UTRN: variants seen among roughly 807,000 people sequenced by gnomAD.
UTRN encodes the protein dystrophin-related protein 1.
Under a neutral mutation model 463.9 loss-of-function variants are expected in UTRN, and 283 were observed. The ratio of observed to expected loss-of-function variants is 0.61; its 90% CI spans 0.55 to 0.67. The LOEUF is 0.67. Ranked by LOEUF, UTRN falls within the 30% of genes least tolerant of loss-of-function variation. The pLI is 0.00. For synonymous variants in UTRN, 1,442 were observed against 1,431.5 expected, an observed-to-expected ratio of 1.01 and a Z score of -0.17; for missense variants, 3,922 against 4,084.3, an observed-to-expected ratio of 0.96 and a Z score of 1.08.
chr6:144,518,035 A>G (rs1453036239), intron 39 of UTRN, among the ~76,000 whole-genome samples: 1 of 152,232 alleles, frequency 6.6e-6, no homozygotes, highest in African/African-American at 2.4e-5. Context: ...TGCTTGAAGC[A>G]ACATACAGGT....
rs774039706 is a variant in UTRN, at chr6:144,751,849, C to A, written c.8252C>A (p.Thr2751Lys). 6.2e-7 allele frequency: 1 copy of A among 1,611,450 alleles called. No individual in the cohort carries two copies. Among genetic ancestry groups the A allele is most frequent in the Non-Finnish European group, 8.5e-7 (1 of 1,178,870 alleles). Reference sequence around the variant, plus strand: ...GCACCAATCAACTTTAAAGTTAAAACGGTGAATGATTTATCCAGTCAGCTG... The same window carrying A: ...GCACCAATCAACTTTAAAGTTAAAAAGGTGAATGATTTATCCAGTCAGCTG... ...EIAPINFKVK[T>K]VNDLSSQLSP... The change falls in exon 56 of 75, where the codon ACG becomes AAG. Residue 2751 changes from threonine to lysine, a missense_variant. Thr to Lys is a moderately conservative substitution (Grantham distance 78, BLOSUM62 -1). This residue lies in a region of UTRN where 1,309 missense variants were observed against 1,452.6 expected (regional missense o/e 0.90). Transcript: ENST00000367545.
intron 3 of UTRN, among the ~76,000 whole-genome samples, chr6:144,405,456 G>T (rs1020006562): frequency 6.6e-6 from 1 of 151,888 alleles, no homozygotes; most frequent in Non-Finnish European, 1.5e-5. Context: ...TTCATGCCTG[G>T]TATTACTAGG....
chr6:144,459,785 T>G (rs1217966269), intron 21 of UTRN, among the ~76,000 whole-genome samples: 1 of 152,078 alleles, frequency 6.6e-6, no homozygotes, highest in African/African-American at 2.4e-5. Context: ...AGCCAGGGTC[T>G]AGCTATGTTG....
chr6:144,522,421 A>G (rs1263302019), intron 40 of UTRN, among the ~76,000 whole-genome samples: 1 of 152,232 alleles, frequency 6.6e-6, no homozygotes, highest in Non-Finnish European at 1.5e-5. Context: ...AGCCTTGTTT[A>G]AAATTAAACA....
chr6:144,364,575 T>A (rs1476011307), intron 2 of UTRN, among the ~76,000 whole-genome samples: 1 of 152,256 alleles, frequency 6.6e-6, no homozygotes. Context: ...CAGGGATGAC[T>A]GACTGAGAAG....
At chr6:144,831,490 TA>T in intron 69 of UTRN, among the ~76,000 whole-genome samples, 1 of 152,168 alleles carries the variant, frequency 6.6e-6, no homozygotes, top group African/African-American at 2.4e-5. Flanking sequence ...CTATGAACCC[TA>T]GGATGGGCAT....
intron 2 of UTRN, among the ~76,000 whole-genome samples, chr6:144,395,030 T>G (rs536325999): frequency 5.8e-4 from 89 of 152,278 alleles, no homozygotes; most frequent in African/African-American, 2.0e-3. Flanking sequence ...ATGAGATAGT[T>G]GCTTTTTCTT....
At chr6:144,692,694 C>A (rs1211715813) in intron 52 of UTRN, among the ~76,000 whole-genome samples, 1 of 152,042 alleles carries the variant, frequency 6.6e-6, no homozygotes, top group Non-Finnish European at 1.5e-5. Context: ...TATATGTCTT[C>A]TTTTGAAAAG....
At position 144,291,935 on chromosome 6, in the gene UTRN, T is replaced by A. The variant is rs138449322; in HGVS notation, c.79+28T>A. 6.9e-4 allele frequency: 1,098 copies of A among 1,590,322 alleles called. 5 individuals carry two copies. The African/African-American group carries it at 9.5e-3, about 14-fold the overall frequency. ...AGGTAAAGGAAGCTCAAGAAAGCTA[T>A]GGATTTTTATGTATTTAGAAAACCT... is the stretch of plus-strand genomic sequence containing the variant. On this transcript the variant is annotated intron_variant, in intron 2 of 74. Transcript: ENST00000367545.
At chr6:144,536,733 C>A (rs536615148) in intron 43 of UTRN, among the ~76,000 whole-genome samples, 118 of 151,960 alleles carry the variant, frequency 7.8e-4, no homozygotes, top group Non-Finnish European at 1.4e-3. Flanking sequence ...TTAATTATAG[C>A]AGCTATAAAA....
intron 2 of UTRN, among the ~76,000 whole-genome samples, chr6:144,338,129 G>T (rs190573055): frequency 1.4e-3 from 208 of 152,048 alleles, no homozygotes; most frequent in Non-Finnish European, 1.9e-3. Context: ...TACTTTTTTG[G>T]GTTTGCTTGT....
At chr6:144,449,400 G>A (rs1433075270) in intron 17 of UTRN, among the ~76,000 whole-genome samples, 1 of 152,104 alleles carries the variant, frequency 6.6e-6, no homozygotes, top group Non-Finnish European at 1.5e-5. Flanking sequence ...ACCAGCTCGC[G>A]GTACAGTGGA....
chr6:144,770,621 G>A (rs1793905075), intron 58 of UTRN, among the ~76,000 whole-genome samples: 1 of 151,810 alleles, frequency 6.6e-6, no homozygotes, highest in African/African-American at 2.4e-5. Flanking sequence ...GTTTACCTAA[G>A]AAACTTAATT....
At chr6:144,831,433 G>A (rs184984631) in intron 69 of UTRN, among the ~76,000 whole-genome samples, 12 of 152,176 alleles carry the variant, frequency 7.9e-5, no homozygotes, top group Admixed American at 2.0e-4. Flanking sequence ...AATGAGGAAT[G>A]CAGGTGACCT....
intron 41 of UTRN, among the ~76,000 whole-genome samples, chr6:144,526,211 G>T (rs1394341179): frequency 6.6e-6 from 1 of 152,132 alleles, no homozygotes; most frequent in Non-Finnish European, 1.5e-5. Flanking sequence ...TTGTTCTAGG[G>T]TATAGTTTAA....
intron 52 of UTRN, among the ~76,000 whole-genome samples, chr6:144,696,668 T>C (rs7758449): frequency 1.3e-5 from 2 of 151,924 alleles, no homozygotes; most frequent in African/African-American, 4.8e-5. Flanking sequence ...TAAACCAAAA[T>C]ATATATATAT....
chr6:144,493,466 G>C lies in UTRN; in HGVS notation c.4593+10G>C, dbSNP rs1793254860. 2.5e-6 allele frequency: 4 copies of C among 1,608,906 alleles called. No individual in the cohort carries two copies. The highest frequency in any genetic ancestry group is 1.7e-4 in the Middle Eastern group (1 of 6,036). On this transcript the variant is annotated intron_variant, in intron 33 of 74. Coordinates refer to ENST00000367545, the MANE Select transcript of UTRN (RefSeq NM_007124.3). ...TGACCTGGGCGCACAGGTGAGGAGAGCAGCCCCACAGCTCATCTCTCTGTC... is the reference window on the plus strand; with the variant it reads ...TGACCTGGGCGCACAGGTGAGGAGACCAGCCCCACAGCTCATCTCTCTGTC...
chr6:144,711,965 C>CTGTG (rs3061883), intron 53 of UTRN, among the ~76,000 whole-genome samples: 39 of 150,958 alleles, frequency 2.6e-4, no homozygotes, highest in Admixed American at 5.9e-4. Flanking sequence ...TAAATTTAGG[C>CTGTG]TGTGTGTGTG....
chr6:144,449,786 C>T (rs1380125536), intron 17 of UTRN, among the ~76,000 whole-genome samples: 2 of 152,174 alleles, frequency 1.3e-5, no homozygotes, highest in African/African-American at 4.8e-5. Flanking sequence ...TCGAGAAGCT[C>T]TGTGGGGAGG....
Sources: gnomAD v4.1 joint callset for allele counts (sites outside exome capture counted in the v4.1 genomes callset) on GRCh38, gnomAD v4.1.1 for gene constraint, gnomAD v4.1.1 regional missense constraint, MANE v1.5 for transcripts, NCBI Gene and HGNC (gene_info 2026-07-23, HGNC 2026-07-21) for gene names.